The following MYO9A variants were observed in gnomAD, a reference collection of about 807,000 sequenced individuals.
MYO9A encodes the protein unconventional myosin-IXa.
A neutral mutation model predicts 293.3 loss-of-function variants in MYO9A; 103 were observed. That is an observed-to-expected ratio of 0.35 (90% CI 0.30 to 0.41). The LOEUF is 0.41. Ranked by LOEUF, MYO9A falls within the 10% of genes least tolerant of loss-of-function variation. The pLI is 1.00. For synonymous variants in MYO9A, 1,001 were observed against 1,035.7 expected (o/e 0.97, Z 0.64); for missense variants, 2,685 against 3,033.0 (o/e 0.89, Z 2.69).
chr15:71,969,811 C>CA (rs909226724), intron 12 of MYO9A, among the ~76,000 whole-genome samples: 79 of 146,098 alleles, frequency 5.4e-4, no homozygotes, highest in East Asian at 1.4e-3. Context: ...CATTACCAGG[C>CA]AAAAAAAAAA....
At position 71,826,503 on chromosome 15, in the gene MYO9A, C is replaced by T. The variant is rs777708177; in HGVS notation, c.*77G>A. On this transcript the variant is annotated 3_prime_UTR_variant, in exon 42 of 42. Transcript: ENST00000356056. ...CACAATTAGGATTGACTATTGTGGA[C>T]GAGGTGATGAAACGCAGCCCCAAAG... is the stretch of plus-strand genomic sequence containing the variant. The T allele has an allele frequency of 1.1e-5, 15 of 1,340,960 alleles. No individual in the cohort carries two copies. The Admixed American group carries it at 1.6e-4, about 14-fold the overall frequency. 83.1% of individuals were successfully genotyped at this position (1,340,960 alleles called of 1,614,324 possible).
intron 22 of MYO9A, 76 bp downstream of exon 22, chr15:71,902,865 A>G (rs1302946744): frequency 2.5e-6 from 3 of 1,188,702 alleles, no homozygotes; most frequent in African/African-American, 1.6e-5. Flanking sequence ...TTTAATAAAC[A>G]ATCTCATAGG....
chr15:71,923,372 C>T (rs905712019), intron 18 of MYO9A, among the ~76,000 whole-genome samples: 7 of 152,056 alleles, frequency 4.6e-5, no homozygotes, highest in African/African-American at 1.4e-4. Context: ...CTTATCAAGG[C>T]CTTGAAAATA....
At chr15:72,082,565 A>T (rs1172098114) in intron 1 of MYO9A, among the ~76,000 whole-genome samples, 2 of 152,038 alleles carry the variant, frequency 1.3e-5, no homozygotes, top group Non-Finnish European at 2.9e-5. Context: ...TCTGGCCAGG[A>T]CTTCCAATAC....
At chr15:71,896,755 G>C (rs1265251731) in intron 25 of MYO9A, 1 of 151,464 alleles carries the variant, frequency 6.6e-6, no homozygotes, top group Non-Finnish European at 1.5e-5. Context: ...ACTCCAGCCT[G>C]GGTGACAGAG....
chr15:72,031,435 G>A (rs1048979480), intron 3 of MYO9A, among the ~76,000 whole-genome samples: 2 of 152,080 alleles, frequency 1.3e-5, no homozygotes, highest in African/African-American at 4.8e-5. Flanking sequence ...GTAGTGAGCC[G>A]AGATTGCACC....
chr15:72,044,965 T>G (rs1277868758), intron 2 of MYO9A, among the ~76,000 whole-genome samples: 1 of 152,220 alleles, frequency 6.6e-6, no homozygotes, highest in African/African-American at 2.4e-5. Flanking sequence ...ACACCACCTT[T>G]TTTGCGTTCC....
chr15:72,046,351 TCCA>T lies in MYO9A; in HGVS notation c.210_212del (p.Gly71del). ...CTGTTGGATTGAGAATCCATTCTTC[TCCA>T]CCAAATTCCTTTACCTCTGCTAGAA... is the stretch of plus-strand genomic sequence containing the variant. On this transcript the variant is annotated inframe_deletion, in exon 2 of 42. Coordinates refer to ENST00000356056, the MANE Select transcript of MYO9A (RefSeq NM_006901.4). 2 of 1,613,998 alleles carry T rather than the reference TCCA, an allele frequency of 1.2e-6. No individual in the cohort carries two copies. The highest frequency in any genetic ancestry group is 1.7e-6 in the Non-Finnish European group (2 of 1,179,836).
chr15:71,949,943 A>G (rs1335620341), intron 15 of MYO9A, among the ~76,000 whole-genome samples: 1 of 152,032 alleles, frequency 6.6e-6, no homozygotes, highest in East Asian at 1.9e-4. Context: ...CTGCTTTACT[A>G]CCTTTAAAGA....
intron 1 of MYO9A, among the ~76,000 whole-genome samples, chr15:72,067,389 A>C (rs1253637384): frequency 6.6e-6 from 1 of 151,836 alleles, no homozygotes; most frequent in Non-Finnish European, 1.5e-5. Context: ...GACTCACTGT[A>C]ACCTCCGCCT....
intron 1 of MYO9A, among the ~76,000 whole-genome samples, chr15:72,054,460 C>G (rs1412799105): frequency 6.6e-6 from 1 of 151,982 alleles, no homozygotes; most frequent in African/African-American, 2.4e-5. Context: ...ATCACAAGGT[C>G]AGGAGTTCGA....
rs1187284445 is a variant in MYO9A at position 72,101,566 on chromosome 15, G to A, written c.-72+16114C>T. Among the ~76,000 whole-genome samples the A allele has an allele frequency of 3.9e-5, 5 of 128,952 alleles. No homozygotes were observed. In the East Asian group the frequency reaches 7.8e-4, roughly 20 times the overall value. The allele number at this position is 128,952 out of a possible 152,430, so 84.6% of individuals were successfully genotyped here. On this transcript the variant is annotated intron_variant, in intron 1 of 41. Transcript: ENST00000356056. ...CCGCCCCGTCCGGGAGGTGAGGGGC[G>A]CCTCTGCCCGGCCGCCCCTACTGGG...
intron 11 of MYO9A, among the ~76,000 whole-genome samples, chr15:71,988,426 T>G (rs1340376044): frequency 1.3e-5 from 2 of 152,204 alleles, no homozygotes; most frequent in Non-Finnish European, 2.9e-5. Flanking sequence ...TAACACTACA[T>G]AACTCGTAAG....
chr15:71,885,088 C>G (rs1368767717), intron 27 of MYO9A, among the ~76,000 whole-genome samples: 1 of 151,772 alleles, frequency 6.6e-6, no homozygotes, highest in Non-Finnish European at 1.5e-5. Flanking sequence ...CCATTTTCTG[C>G]TCCCTAGAGG....
At chr15:71,889,917 T>C (rs781664073) in intron 26 of MYO9A, 2 of 152,204 alleles carry the variant, frequency 1.3e-5, no homozygotes, top group Non-Finnish European at 2.9e-5. Flanking sequence ...ACTAAGTGTA[T>C]AGTCAACAGT....
chr15:72,043,026 A>C (rs1002524706), intron 2 of MYO9A, among the ~76,000 whole-genome samples: 3 of 152,052 alleles, frequency 2.0e-5, no homozygotes, highest in Admixed American at 6.6e-5. Flanking sequence ...CTATGATGAC[A>C]CCACTACACT....
At chr15:71,864,079 T>A (rs1025240733) in intron 32 of MYO9A, among the ~76,000 whole-genome samples, 1 of 152,154 alleles carries the variant, frequency 6.6e-6, no homozygotes, top group African/African-American at 2.4e-5. Context: ...ATCTGATAAA[T>A]GACTTCTAGT....
chr15:72,042,824 G>A (rs1474302209), intron 2 of MYO9A, among the ~76,000 whole-genome samples: 1 of 152,042 alleles, frequency 6.6e-6, no homozygotes. Flanking sequence ...CACTTTAGGA[G>A]GCCAAGACAG....
chr15:72,076,616 A>C (rs573382687), intron 1 of MYO9A, among the ~76,000 whole-genome samples: 59 of 152,322 alleles, frequency 3.9e-4, no homozygotes, highest in African/African-American at 1.4e-3. Flanking sequence ...ATGAATGTAG[A>C]TATACCATGT....
Sources: gnomAD v4.1 joint callset for allele counts (sites outside exome capture counted in the v4.1 genomes callset) on GRCh38, gnomAD v4.1.1 for gene constraint, MANE v1.5 for transcripts, NCBI Gene and HGNC (gene_info 2026-07-23, HGNC 2026-07-21) for gene names.